Variants in SAMD12 observed in about 807,000 individuals in gnomAD.
SAMD12 encodes the protein sterile alpha motif domain containing 12, also known as sterile alpha motif domain-containing protein 12.
In SAMD12, 9 loss-of-function variants were observed where a neutral mutation model predicts 15.0. That is an observed-to-expected ratio of 0.60 (90% CI 0.36 to 1.05). The LOEUF is 1.05. Ranked by LOEUF, SAMD12 falls within the 50% of genes least tolerant of loss-of-function variation. SAMD12 has a pLI of 0.01. For synonymous variants in SAMD12, 86 were observed against 90.1 expected, an observed-to-expected ratio of 0.96 and a Z score of 0.25; for missense variants, 230 against 234.2, an observed-to-expected ratio of 0.98 and a Z score of 0.12.
At chr8:118,520,033 C>T (rs1825347131) in intron 2 of SAMD12, among the ~76,000 whole-genome samples, 1 of 152,116 alleles carries the variant, frequency 6.6e-6, no homozygotes, top group Admixed American at 6.6e-5. Flanking sequence ...AAGAGCTTTT[C>T]GTGGTCCCAC....
At chr8:118,267,882 G>A (rs1813245816) in intron 4 of SAMD12, among the ~76,000 whole-genome samples, 1 of 152,094 alleles carries the variant, frequency 6.6e-6, no homozygotes. Flanking sequence ...CCTGAGGTCA[G>A]GAGTTTGAGA....
At chr8:118,413,339 G>C (rs533944232) in intron 3 of SAMD12, among the ~76,000 whole-genome samples, 21 of 152,246 alleles carry the variant, frequency 1.4e-4, no homozygotes, top group African/African-American at 4.8e-4. Flanking sequence ...TAAAAACACT[G>C]TGTTTCTAAT....
chr8:118,526,161 T>C (rs536614060), intron 2 of SAMD12, among the ~76,000 whole-genome samples: 13 of 152,184 alleles, frequency 8.5e-5, no homozygotes, highest in Non-Finnish European at 1.8e-4. Context: ...CTGTTCTACA[T>C]GGATTACCTC....
the SAMD12 span, among the ~76,000 whole-genome samples, chr8:118,145,104 GA>G: frequency 5.3e-4 from 80 of 152,312 alleles, no homozygotes; most frequent in African/African-American, 1.9e-3. Context: ...ATTTAGATGA[GA>G]TTTCCAGGCA....
chr8:118,214,591 C>T (rs185654230), intron 4 of SAMD12, among the ~76,000 whole-genome samples: 1 of 152,320 alleles, frequency 6.6e-6, no homozygotes, highest in East Asian at 1.9e-4. Flanking sequence ...AGCATTTTCA[C>T]AGGCATGTAT....
chr8:118,181,210 A>G, the SAMD12 span, among the ~76,000 whole-genome samples: 10 of 152,122 alleles, frequency 6.6e-5, no homozygotes, highest in Non-Finnish European at 1.2e-4. Flanking sequence ...TTTAAGTTTT[A>G]TTTCTGGTTA....
chr8:118,276,212 A>G (rs1813470837), intron 4 of SAMD12, among the ~76,000 whole-genome samples: 1 of 152,208 alleles, frequency 6.6e-6, no homozygotes, highest in South Asian at 2.1e-4. Context: ...TACTAAAAAC[A>G]AAAATTTCCT....
exon 5 of SAMD12, chr8:118,196,549 A>C (rs1458065447): frequency 2.0e-5 from 3 of 152,176 alleles, no homozygotes; most frequent in Non-Finnish European, 2.9e-5. Flanking sequence ...AGGATTAACA[A>C]GGGACTAGTA....
At chr8:118,227,060 T>G (rs371935966) in intron 4 of SAMD12, among the ~76,000 whole-genome samples, 4 of 152,110 alleles carry the variant, frequency 2.6e-5, no homozygotes, top group South Asian at 2.1e-4. Flanking sequence ...TAAAGACACA[T>G]GTATGTGAAT....
intron 2 of SAMD12, among the ~76,000 whole-genome samples, chr8:118,503,521 A>T (rs967085748): frequency 6.6e-6 from 1 of 152,178 alleles, no homozygotes; most frequent in East Asian, 1.9e-4. Context: ...AAAACTTCAA[A>T]TGAGGCTGAA....
At chr8:118,432,736 TG>T (rs1475131806) in intron 3 of SAMD12, among the ~76,000 whole-genome samples, 1 of 152,100 alleles carries the variant, frequency 6.6e-6, no homozygotes, top group Admixed American at 6.5e-5. Context: ...GGTGAATGGG[TG>T]GGTGTCAAGA....
At chr8:118,518,370 G>A (rs985929823) in intron 2 of SAMD12, among the ~76,000 whole-genome samples, 2 of 152,152 alleles carry the variant, frequency 1.3e-5, no homozygotes, top group Admixed American at 1.3e-4. Flanking sequence ...AAGTAACAAA[G>A]GCGATATCCC....
intron 4 of SAMD12, among the ~76,000 whole-genome samples, chr8:118,220,414 A>C (rs907276326): frequency 6.6e-6 from 1 of 152,214 alleles, no homozygotes; most frequent in Non-Finnish European, 1.5e-5. Flanking sequence ...AGGAAATGTG[A>C]CAGTCTCTAA....
intron 4 of SAMD12, among the ~76,000 whole-genome samples, chr8:118,321,297 T>A (rs1350817515): frequency 1.0e-5 from 1 of 98,672 alleles, no homozygotes; most frequent in South Asian, 3.0e-4. Context: ...TTTTTTTTGT[T>A]TTTTTTTTTT....
chr8:118,456,648 A>C (rs376809322), intron 2 of SAMD12, among the ~76,000 whole-genome samples: 21 of 152,340 alleles, frequency 1.4e-4, no homozygotes, highest in African/African-American at 5.1e-4. Context: ...GCAACTTAAA[A>C]AGCCCAGGAG....
rs115901275 is a variant in SAMD12 at position 118,428,085 on chromosome 8, G to A, written c.322+11747C>T. Among the ~76,000 whole-genome samples, 1,031 of 152,170 alleles carry A rather than the reference G, an allele frequency of 6.8e-3. 15 individuals carry two copies. Among genetic ancestry groups the A allele is most frequent in the African/African-American group, 0.021 (878 of 41,512 alleles). ...GCCATTCTTGTATTTTCTTTGTGAC[G>A]TATCATTTCAAATCTTTTGCCCATA... On this transcript the variant is annotated intron_variant, in intron 3 of 3. Transcript: ENST00000314727.
chr8:118,536,714 A>C (rs925437010), intron 2 of SAMD12, among the ~76,000 whole-genome samples: 1 of 152,200 alleles, frequency 6.6e-6, no homozygotes, highest in Non-Finnish European at 1.5e-5. Flanking sequence ...ATTTCTACTT[A>C]TATCGTATTG....
the SAMD12 span, among the ~76,000 whole-genome samples, chr8:118,150,775 T>C: frequency 6.6e-6 from 1 of 152,186 alleles, no homozygotes; most frequent in African/African-American, 2.4e-5. Context: ...TTTGTGTAGA[T>C]CCAAATTTCC....
At chr8:118,478,920 G>C (rs1824043516) in intron 2 of SAMD12, among the ~76,000 whole-genome samples, 1 of 152,212 alleles carries the variant, frequency 6.6e-6, no homozygotes, top group Non-Finnish European at 1.5e-5. Context: ...CTCAAGGCCA[G>C]TGTCAGAAAA....
Sources: allele counts gnomAD v4.1 joint callset (sites outside exome capture counted in the v4.1 genomes callset), GRCh38; gene constraint gnomAD v4.1.1; transcripts MANE v1.5; gene names NCBI Gene and HGNC (gene_info 2026-07-23, HGNC 2026-07-21).